INPP4B: variants seen among roughly 807,000 people sequenced by gnomAD.
INPP4B encodes inositol polyphosphate-4-phosphatase type II B, also known as inositol polyphosphate 4-phosphatase type II.
In INPP4B, 55 loss-of-function variants were observed where a neutral mutation model predicts 122.5. The observed-to-expected ratio is 0.45, with a 90% CI of 0.36 to 0.56. INPP4B has a LOEUF of 0.56. Ranked by LOEUF, INPP4B falls within the 20% of genes least tolerant of loss-of-function variation. The pLI is 0.00. For missense variants in INPP4B, 1,000 were observed against 1,097.7 expected (o/e 0.91, Z 1.26); for synonymous variants, 403 against 388.7 (o/e 1.04, Z -0.43).
intron 7 of INPP4B, among the ~76,000 whole-genome samples, chr4:142,316,032 T>C (rs1767512433): frequency 6.6e-6 from 1 of 152,106 alleles, no homozygotes; most frequent in African/African-American, 2.4e-5. Context: ...TTGAACACAG[T>C]TGCCAAGTCC....
chr4:142,297,027 TTTGATATA>T (rs1759028681), intron 9 of INPP4B, among the ~76,000 whole-genome samples: 2 of 151,996 alleles, frequency 1.3e-5, no homozygotes, highest in Non-Finnish European at 2.9e-5. Context: ...CTGGACAGTT[TTTGATATA>T]TTCAGCAATA....
Position 142,093,317 on chromosome 4 carries a change from G to A in INPP4B, c.2375-7061C>T, listed in dbSNP as rs76993749. ...ATCTGAAGGTCATGGACATCATGGA[G>A]CAGAGAGAAACCATCCCCAGTTTCC... On this transcript the variant is annotated intron_variant, in intron 23 of 25. Coordinates refer to ENST00000262992, the MANE Select transcript of INPP4B (RefSeq NM_001101669.3). Among the ~76,000 whole-genome samples, 1,131 of 152,230 alleles carry A rather than the reference G, an allele frequency of 7.4e-3. 14 individuals carry two copies. Among genetic ancestry groups the A allele is most frequent in the African/African-American group, 0.026 (1,078 of 41,546 alleles).
intron 1 of INPP4B, among the ~76,000 whole-genome samples, chr4:142,747,975 AC>A (rs1769046308): frequency 6.6e-6 from 1 of 152,144 alleles, no homozygotes; most frequent in African/African-American, 2.4e-5. Flanking sequence ...TACCTACGTA[AC>A]AAACCTGCAC....
At chr4:142,042,026 T>G (rs1435292669) in intron 25 of INPP4B, among the ~76,000 whole-genome samples, 1 of 152,172 alleles carries the variant, frequency 6.6e-6, no homozygotes, top group Non-Finnish European at 1.5e-5. Flanking sequence ...CAGTCCTCCT[T>G]GATGCTTTTG....
At chr4:142,758,789 C>G (rs1170944854) in intron 1 of INPP4B, among the ~76,000 whole-genome samples, 2 of 151,972 alleles carry the variant, frequency 1.3e-5, no homozygotes, top group African/African-American at 2.4e-5. Context: ...CCCGTCTCTT[C>G]TAAAAACACA....
At chr4:142,843,108 T>G (rs1384540315) in intron 1 of INPP4B, among the ~76,000 whole-genome samples, 1 of 150,962 alleles carries the variant, frequency 6.6e-6, no homozygotes, top group African/African-American at 2.4e-5. Flanking sequence ...TAATTAAAAT[T>G]TTTGCACATA....
At chr4:142,284,144 C>A (rs1436313684) in intron 9 of INPP4B, among the ~76,000 whole-genome samples, 5 of 150,750 alleles carry the variant, frequency 3.3e-5, no homozygotes. Context: ...AGAATAGATT[C>A]AAAAGACAAT....
intron 2 of INPP4B, among the ~76,000 whole-genome samples, chr4:142,597,200 C>A (rs932672080): frequency 6.6e-6 from 1 of 152,128 alleles, no homozygotes; most frequent in East Asian, 1.9e-4. Flanking sequence ...TGTAGGAGTT[C>A]CTGTTTATTA....
chr4:142,801,881 A>G (rs76178877), intron 1 of INPP4B, among the ~76,000 whole-genome samples: 2,765 of 152,188 alleles, frequency 0.018, 99 homozygotes, highest in African/African-American at 0.062. Context: ...TTTTTTTGTA[A>G]TCATGCTACA....
chr4:142,257,493 C>G (rs1465655299), intron 11 of INPP4B, among the ~76,000 whole-genome samples: 1 of 152,082 alleles, frequency 6.6e-6, no homozygotes, highest in Non-Finnish European at 1.5e-5. Flanking sequence ...AGCTGATAAG[C>G]AACTTCAGCA....
chr4:142,191,593 T>C (rs1835864468), intron 15 of INPP4B, among the ~76,000 whole-genome samples: 1 of 152,204 alleles, frequency 6.6e-6, no homozygotes, highest in East Asian at 1.9e-4. Context: ...GCCTCTCCCC[T>C]GCAGAGCCCA....
At chr4:142,413,249 C>G (rs571289693) in intron 5 of INPP4B, among the ~76,000 whole-genome samples, 42 of 152,074 alleles carry the variant, frequency 2.8e-4, no homozygotes, top group Non-Finnish European at 5.1e-4. Context: ...CAGGGTCTTT[C>G]TCTCCAAGAA....
intron 2 of INPP4B, among the ~76,000 whole-genome samples, chr4:142,612,502 C>T (rs998445126): frequency 6.6e-6 from 1 of 152,040 alleles, no homozygotes; most frequent in African/African-American, 2.4e-5. Flanking sequence ...TTATGAAGGC[C>T]AAGAAGTCCA....
intron 11 of INPP4B, among the ~76,000 whole-genome samples, chr4:142,242,141 G>A (rs1378933648): frequency 2.0e-5 from 3 of 152,136 alleles, no homozygotes; most frequent in Admixed American, 2.0e-4. Flanking sequence ...ATTAGACACT[G>A]ACACATCCTC....
chr4:142,287,418 C>G (rs1389071359), intron 9 of INPP4B: 2 of 152,174 alleles, frequency 1.3e-5, no homozygotes, highest in Non-Finnish European at 2.9e-5. Flanking sequence ...ATTATATCCC[C>G]TTTTCTATAG....
chr4:142,681,132 T>C (rs1168004632), intron 2 of INPP4B, among the ~76,000 whole-genome samples: 1 of 151,878 alleles, frequency 6.6e-6, no homozygotes, highest in African/African-American at 2.4e-5. Flanking sequence ...GTCAGCCGCA[T>C]GCATAAAATC....
intron 2 of INPP4B, among the ~76,000 whole-genome samples, chr4:142,681,933 T>C (rs980431023): frequency 2.0e-5 from 3 of 151,890 alleles, no homozygotes; most frequent in Non-Finnish European, 4.4e-5. Context: ...CTAAAATTCA[T>C]GCAGAAACAA....
chr4:142,370,831 C>A (rs1789625542), intron 7 of INPP4B, among the ~76,000 whole-genome samples: 1 of 151,914 alleles, frequency 6.6e-6, no homozygotes, highest in African/African-American at 2.4e-5. Flanking sequence ...TGGATCAGAA[C>A]AATATTGTTA....
chr4:142,261,181 G>C (rs1262134077), intron 10 of INPP4B, among the ~76,000 whole-genome samples: 1 of 152,150 alleles, frequency 6.6e-6, no homozygotes, highest in African/African-American at 2.4e-5. Context: ...AGAGCACATG[G>C]ACATGTTCCT....
Sources: gnomAD v4.1 joint callset for allele counts (sites outside exome capture counted in the v4.1 genomes callset) on GRCh38, gnomAD v4.1.1 for gene constraint, MANE v1.5 for transcripts, NCBI Gene and HGNC (gene_info 2026-07-23, HGNC 2026-07-21) for gene names.